The following NAV3 variants were observed in gnomAD, a reference collection of about 807,000 sequenced individuals.
NAV3 encodes neuron navigator 3.
Under a neutral mutation model 244.7 loss-of-function variants are expected in NAV3, and 87 were observed. The observed-to-expected ratio is 0.36, with a 90% confidence interval of 0.30 to 0.42. The LOEUF (loss-of-function observed/expected upper bound fraction) is 0.42. NAV3 is among the 20% of genes least tolerant of loss of function. The probability of loss-of-function intolerance (pLI) is 1.00; values close to 1 mark genes in which losing one functional copy is unlikely to be tolerated. For synonymous variants in NAV3, 1,126 were observed against 1,042.2 expected, an observed-to-expected ratio of 1.08 and a Z score of -1.55; for missense variants, 2,663 against 2,893.3, an observed-to-expected ratio of 0.92 and a Z score of 1.83.
chr12:77,658,665 A>G (rs1056736024), intron 2 of NAV3, among the ~76,000 whole-genome samples: 3 of 152,132 alleles, frequency 2.0e-5, no homozygotes, highest in African/African-American at 7.2e-5. Context: ...ATCCTAAGCC[A>G]AAAGAACAAA....
chr12:78,145,371 TTA>T (rs1280431323), intron 20 of NAV3, among the ~76,000 whole-genome samples: 2 of 152,250 alleles, frequency 1.3e-5, no homozygotes, highest in East Asian at 3.9e-4. Flanking sequence ...CTACTTTGCT[TTA>T]TGTTTTCTGA....
chr12:77,764,277 T>C (rs1214495271), intron 2 of NAV3, among the ~76,000 whole-genome samples: 2 of 152,218 alleles, frequency 1.3e-5, no homozygotes, highest in Non-Finnish European at 2.9e-5. Context: ...TACTGAGTAA[T>C]AGAATCTGTT....
At chr12:77,874,868 A>T (rs1323045591) in intron 1 of NAV3, among the ~76,000 whole-genome samples, 6 of 151,678 alleles carry the variant, frequency 4.0e-5, no homozygotes, top group Non-Finnish European at 7.4e-5. Context: ...TTTATTCTGT[A>T]TTTTTTTTAT....
At chr12:77,854,682 T>C (rs1459203333) in intron 1 of NAV3, among the ~76,000 whole-genome samples, 1 of 152,166 alleles carries the variant, frequency 6.6e-6, no homozygotes, top group Non-Finnish European at 1.5e-5. Context: ...AAACAACATA[T>C]AATTTCAAAT....
rs150572993 is a variant in NAV3 at position 77,599,470 on chromosome 12, A to G, written c.72+27204A>G. Among the ~76,000 whole-genome samples the G allele has an allele frequency of 4.1e-3, 624 of 151,966 alleles. 4 individuals are homozygous for G. Among genetic ancestry groups the G allele is most frequent in the African/African-American group, 0.015 (607 of 41,510 alleles). Reference sequence around the variant, plus strand: ...TTGTGACCTTTTATCTGGTATACTTACCAGTACAGTGACTTCTGAGAGTAA... The same window carrying G: ...TTGTGACCTTTTATCTGGTATACTTGCCAGTACAGTGACTTCTGAGAGTAA... On this transcript the variant is annotated intron_variant, in intron 2 of 8. Coordinates refer to the NAV3 transcript ENST00000550042.
chr12:77,744,316 AC>A (rs2137411188), intron 2 of NAV3, among the ~76,000 whole-genome samples: 1 of 152,122 alleles, frequency 6.6e-6, no homozygotes, highest in South Asian at 2.1e-4. Flanking sequence ...ATTCTATGAG[AC>A]AAGGAAAGAT....
intron 2 of NAV3, among the ~76,000 whole-genome samples, chr12:77,663,872 A>G (rs993025898): frequency 6.6e-6 from 1 of 152,216 alleles, no homozygotes; most frequent in Admixed American, 6.5e-5. Flanking sequence ...GTGTCTGTAT[A>G]TCTATGTATA....
At chr12:77,655,274 G>C (rs936602734) in intron 2 of NAV3, among the ~76,000 whole-genome samples, 2 of 152,188 alleles carry the variant, frequency 1.3e-5, no homozygotes, top group Non-Finnish European at 2.9e-5. Flanking sequence ...AGCTGATGGA[G>C]CTGAAAGCCA....
In NAV3 at chr12:77,896,707, C is replaced by T. The variant is rs533558827; in HGVS notation, c.244-43612C>T. ...TGGCTATGGAGAAGTGGAGGGAACA[C>T]GCTTCCTCTAAAGGGGTAACTCTCA... On this transcript the variant is annotated intron_variant, in intron 1 of 39. Transcript: ENST00000397909. 8.5e-5 allele frequency among the ~76,000 whole-genome samples: 13 copies of T among 152,240 alleles called. No homozygotes were observed. In the East Asian group the frequency reaches 1.2e-3, roughly 14 times the overall value.
At chr12:77,871,766 A>G (rs1426300733) in intron 1 of NAV3, among the ~76,000 whole-genome samples, 2 of 152,108 alleles carry the variant, frequency 1.3e-5, no homozygotes, top group African/African-American at 4.8e-5. Flanking sequence ...ATGTGTCTTT[A>G]TAGTAGATTG....
intron 11 of NAV3, among the ~76,000 whole-genome samples, chr12:78,058,012 C>A (rs2137386415): frequency 6.6e-6 from 1 of 152,278 alleles, no homozygotes; most frequent in African/African-American, 2.4e-5. Flanking sequence ...GTTATCTATG[C>A]CACTCTAAAG....
intron 1 of NAV3, among the ~76,000 whole-genome samples, chr12:77,871,770 T>TAG (rs1477310757): frequency 2.0e-5 from 3 of 152,144 alleles, no homozygotes; most frequent in Admixed American, 6.6e-5. Context: ...GTCTTTATAG[T>TAG]AGATTGATTG....
chr12:77,787,585 A>AGAGAACTCACTATCAT (rs977499746), intron 2 of NAV3, among the ~76,000 whole-genome samples: 1 of 152,170 alleles, frequency 6.6e-6, no homozygotes, highest in African/African-American at 2.4e-5. Flanking sequence ...CTCACTATTA[A>AGAGAACTCACTATCAT]GAGAACTCAC....
intron 1 of NAV3, among the ~76,000 whole-genome samples, chr12:77,939,004 C>T (rs1475333294): frequency 6.6e-6 from 1 of 150,638 alleles, no homozygotes; most frequent in African/African-American, 2.4e-5. Flanking sequence ...TACATCAATT[C>T]TGGAACTCTT....
At chr12:77,783,420 A>C (rs1466111585) in intron 2 of NAV3, 1 of 152,128 alleles carries the variant, frequency 6.6e-6, no homozygotes, top group Non-Finnish European at 1.5e-5. Context: ...AAGTTCACTT[A>C]AGTGAATCCA....
chr12:78,076,556 GA>G (rs1162690003), intron 12 of NAV3, among the ~76,000 whole-genome samples: 3 of 151,864 alleles, frequency 2.0e-5, no homozygotes, highest in African/African-American at 7.3e-5. Context: ...ATATTATTTC[GA>G]AAGTATTTAT....
chr12:77,582,738 C>A lies in NAV3; in HGVS notation c.72+10472C>A, dbSNP rs762314956. Reference sequence around the variant, plus strand: ...TGAGTACACGCATGTATGTGAGCCACCTTGCTCTCCTGTAGTGAAGCAGGA... The same window carrying A: ...TGAGTACACGCATGTATGTGAGCCAACTTGCTCTCCTGTAGTGAAGCAGGA... On this transcript the variant is annotated intron_variant, in intron 2 of 8. Transcript: ENST00000550042. 8.5e-5 allele frequency among the ~76,000 whole-genome samples: 13 copies of A among 152,232 alleles called. No homozygotes were observed. The Middle Eastern group carries it at 0.01, about 119-fold the overall frequency.
At chr12:77,785,000 T>C (rs1344854872) in intron 2 of NAV3, among the ~76,000 whole-genome samples, 1 of 152,070 alleles carries the variant, frequency 6.6e-6, no homozygotes, top group Non-Finnish European at 1.5e-5. Flanking sequence ...ACAGTTGACA[T>C]TGGGAGAAGT....
At chr12:77,705,748 G>A (rs1875769257) in intron 2 of NAV3, among the ~76,000 whole-genome samples, 1 of 151,376 alleles carries the variant, frequency 6.6e-6, no homozygotes, top group Non-Finnish European at 1.5e-5. Flanking sequence ...TAATTATATA[G>A]TACAAGTTTA....
Sources: allele counts gnomAD v4.1 joint callset (sites outside exome capture counted in the v4.1 genomes callset), GRCh38; gene constraint gnomAD v4.1.1; transcripts MANE v1.5; gene names NCBI Gene and HGNC (gene_info 2026-07-23, HGNC 2026-07-21).